DHX35: variants seen among roughly 807,000 people sequenced by gnomAD.
DHX35 encodes DEAH-box helicase 35, also known as probable ATP-dependent RNA helicase DHX35.
Under a neutral mutation model 99.6 loss-of-function variants are expected in DHX35, and 84 were observed. That is an observed-to-expected ratio of 0.84 (90% CI 0.71 to 1.01). The LOEUF (loss-of-function observed/expected upper bound fraction) is 1.01. Among genes scored for constraint, DHX35 ranks in the 50% least tolerant of loss-of-function variants. The pLI, the probability that DHX35 is intolerant of heterozygous loss-of-function variation, is 0.00. For synonymous variants in DHX35, 331 were observed against 316.2 expected (o/e 1.05, Z -0.50); for missense variants, 852 against 888.5 (o/e 0.96, Z 0.52).
In DHX35 at chr20:38,972,012, T is replaced by G. The variant is rs1392873716; in HGVS notation, c.175-547T>G. ...TTTTTTTGTTTTGTTTTGTTTTTTT[T>G]TTTTTTTTTTTTTTGAGACAGAGTC... On this transcript the variant is annotated intron_variant, in intron 2 of 21. Transcript: ENST00000252011. Among the ~76,000 whole-genome samples the G allele has an allele frequency of 9.2e-3, 1,305 of 141,522 alleles. 11 individuals carry two copies. The highest frequency in any genetic ancestry group is 0.03 in the African/African-American group (1,162 of 38,178). The allele number at this position is 141,522 out of a possible 152,430, so 92.8% of individuals were successfully genotyped here. A position where few individuals can be genotyped will look rare whatever the true frequency, so the allele number is the denominator to read the frequency against.
intron 2 of DHX35, 43 bp from the exon 3 acceptor site, chr20:38,972,516 A>G (rs774035381): frequency 1.5e-6 from 2 of 1,302,086 alleles, no homozygotes; most frequent in Non-Finnish European, 2.2e-6. Context: ...AGGTCTTTTG[A>G]GACAATGTAT....
intron 1 of DHX35, among the ~76,000 whole-genome samples, chr20:38,966,889 G>A (rs974003707): frequency 2.0e-5 from 3 of 152,210 alleles, no homozygotes; most frequent in African/African-American, 7.2e-5. Flanking sequence ...TTATTAAGAT[G>A]TAGTGACAAG....
At chr20:39,008,753 G>A (rs557488909) in intron 12 of DHX35, among the ~76,000 whole-genome samples, 4 of 152,284 alleles carry the variant, frequency 2.6e-5, no homozygotes, top group Middle Eastern at 3.4e-3. Flanking sequence ...ACTACTACAC[G>A]ACATGCTCTC....
intron 11 of DHX35, among the ~76,000 whole-genome samples, 194 bp from the exon 12 acceptor site, chr20:39,005,952 A>T: frequency 6.6e-6 from 1 of 152,164 alleles, no homozygotes; most frequent in East Asian, 1.9e-4. Context: ...TAACTTGTCC[A>T]GGGTCACATG....
chr20:39,021,981 T>C (rs374916203), intron 16 of DHX35, 46 bp downstream of exon 16: 5 of 1,592,788 alleles, frequency 3.1e-6, no homozygotes, highest in Non-Finnish European at 4.3e-6. Context: ...TCTCTTTTGC[T>C]TTGAGCTTTC....
intron 1 of DHX35, 132 bp downstream of exon 1, chr20:38,962,539 G>T (rs2085847790): frequency 1.2e-5 from 14 of 1,171,226 alleles, no homozygotes; most frequent in Non-Finnish European, 1.7e-5. Flanking sequence ...CCGCCTCTGT[G>T]CGGGGGGAGC....
At chr20:38,978,313 T>G in intron 3 of DHX35, 3 of 760,002 alleles carry the variant, frequency 3.9e-6, no homozygotes, top group Non-Finnish European at 7.2e-6. Context: ...GTGCTCATCT[T>G]CATCATTATC....
intron 1 of DHX35, among the ~76,000 whole-genome samples, chr20:38,964,384 G>A (rs1168491985): frequency 6.6e-6 from 1 of 152,034 alleles, no homozygotes; most frequent in Non-Finnish European, 1.5e-5. Flanking sequence ...ATTGTGAAAG[G>A]TCTTCATGAC....
intron 5 of DHX35, among the ~76,000 whole-genome samples, chr20:38,990,139 C>G (rs2086315371): frequency 6.6e-6 from 1 of 152,104 alleles, no homozygotes; most frequent in Non-Finnish European, 1.5e-5. Flanking sequence ...ACCATGAAAA[C>G]CTTTGAGCCG....
intron 8 of DHX35, 62 bp downstream of exon 8, chr20:38,994,942 G>T (rs2086403318): frequency 4.0e-5 from 58 of 1,454,334 alleles, no homozygotes; most frequent in Non-Finnish European, 5.5e-5. Context: ...ATATATCCTT[G>T]GGAAGTTACC....
chr20:39,022,260 G>C (rs2086885454), intron 16 of DHX35, among the ~76,000 whole-genome samples: 1 of 152,090 alleles, frequency 6.6e-6, no homozygotes, highest in Non-Finnish European at 1.5e-5. Context: ...TGCCTCCCAG[G>C]TTCAAGTGAT....
At position 39,030,715 on chromosome 20, in the gene DHX35, A is replaced by C; in HGVS notation, c.1895A>C (p.Asp632Ala). ...HSTGAYRTIRDDHELHIHPAS... is the reference protein window; with the variant it reads ...HSTGAYRTIRADHELHIHPAS... Reference sequence around the variant, plus strand: ...TTCTATGTTCCAAGGACCATCCGTGATGACCATGAGCTGCACATACACCCT... The same window carrying C: ...TTCTATGTTCCAAGGACCATCCGTGCTGACCATGAGCTGCACATACACCCT... The change falls in exon 20 of 22, where the codon GAT becomes GCT. Residue 632 changes from aspartate to alanine, a missense_variant. Coordinates refer to ENST00000252011, the MANE Select transcript of DHX35 (RefSeq NM_021931.4). 6.2e-7 allele frequency: 1 copy of C among 1,614,128 alleles called. No homozygotes were observed. The highest frequency in any genetic ancestry group is 8.5e-7 in the Non-Finnish European group (1 of 1,180,034).
chr20:38,983,601 C>A (rs187615434), intron 3 of DHX35, 98 bp from the exon 4 acceptor site: 4 of 939,726 alleles, frequency 4.3e-6, no homozygotes, highest in Non-Finnish European at 6.5e-6. Flanking sequence ...GTACTTTTTC[C>A]TTTCTTAGTG....
At chr20:38,981,721 T>C (rs2086176202) in intron 3 of DHX35, among the ~76,000 whole-genome samples, 1 of 152,036 alleles carries the variant, frequency 6.6e-6, no homozygotes, top group Non-Finnish European at 1.5e-5. Flanking sequence ...AGTGGGTGGA[T>C]CACCTGAGGT....
At position 38,996,575 on chromosome 20, in the gene DHX35, G is replaced by A. The variant is rs145516721; in HGVS notation, c.642+1695G>A. On this transcript the variant is annotated intron_variant, in intron 8 of 21. Transcript: ENST00000252011. Reference sequence around the variant, plus strand: ...TGAGTGCTGTGTATAGGAGATGAGAGTAGATATGGAGTCTCTAGTAAGGAG... The same window carrying A: ...TGAGTGCTGTGTATAGGAGATGAGAATAGATATGGAGTCTCTAGTAAGGAG... 2.6e-5 allele frequency among the ~76,000 whole-genome samples: 4 copies of A among 152,308 alleles called. No individual in the cohort carries two copies. In the East Asian group the frequency reaches 7.7e-4, roughly 29 times the overall value.
chr20:39,025,465 G>C, intron 18 of DHX35, 106 bp downstream of exon 18: 1 of 1,318,026 alleles, frequency 7.6e-7, no homozygotes, highest in Non-Finnish European at 1.0e-6. Context: ...GGCGTGCTCT[G>C]TACCAACACT....
intron 8 of DHX35, among the ~76,000 whole-genome samples, chr20:38,998,962 A>C (rs2086473361): frequency 6.6e-6 from 1 of 151,896 alleles, no homozygotes; most frequent in African/African-American, 2.4e-5. Flanking sequence ...ACGCTCAGCC[A>C]ATTTTTTTGT....
intron 3 of DHX35, among the ~76,000 whole-genome samples, chr20:38,980,534 G>GTTGA (rs1191775912): frequency 3.9e-5 from 5 of 127,350 alleles, no homozygotes; most frequent in Admixed American, 2.4e-4. Flanking sequence ...TTGTATTTGT[G>GTTGA]TTGATTGGGG....
chr20:38,996,728 G>A (rs2086435643), intron 8 of DHX35, among the ~76,000 whole-genome samples: 1 of 152,156 alleles, frequency 6.6e-6, no homozygotes, highest in Non-Finnish European at 1.5e-5. Context: ...TGTCCAACGT[G>A]TCCCGAGACT....
Sources: gnomAD v4.1 joint callset for allele counts (sites outside exome capture counted in the v4.1 genomes callset) on GRCh38, gnomAD v4.1.1 for gene constraint, MANE v1.5 for transcripts, NCBI Gene and HGNC (gene_info 2026-07-23, HGNC 2026-07-21) for gene names.